The following SV2C variants were observed in gnomAD, a reference collection of about 807,000 sequenced individuals.
SV2C encodes the protein solute carrier family 22 member B3.
Under a neutral mutation model 79.7 loss-of-function variants are expected in SV2C, and 49 were observed. The observed-to-expected ratio is 0.61, with a 90% CI of 0.49 to 0.78. The LOEUF (loss-of-function observed/expected upper bound fraction) is 0.78. Ranked by LOEUF, SV2C falls within the 30% of genes least tolerant of loss-of-function variation. The probability of loss-of-function intolerance (pLI) is 0.00; values close to 1 mark genes in which losing one functional copy is unlikely to be tolerated. For missense variants in SV2C, 833 were observed against 912.9 expected, an observed-to-expected ratio of 0.91 and a Z score of 1.13; for synonymous variants, 334 against 333.2, an observed-to-expected ratio of 1.00 and a Z score of -0.03.
At chr5:75,949,074 G>A in the SV2C span, among the ~76,000 whole-genome samples, 3 of 151,892 alleles carry the variant, frequency 2.0e-5, no homozygotes, top group Admixed American at 2.0e-4. Flanking sequence ...GTTCTCCTGA[G>A]AATCGATCCT....
At chr5:76,008,862 A>C in the SV2C span, among the ~76,000 whole-genome samples, 7 of 152,226 alleles carry the variant, frequency 4.6e-5, no homozygotes, top group Middle Eastern at 6.8e-3. Context: ...CCCGTGACCT[A>C]CCTGGCCTCA....
At chr5:76,149,521 A>G (rs558632926) in intron 2 of SV2C, among the ~76,000 whole-genome samples, 28 of 152,338 alleles carry the variant, frequency 1.8e-4, no homozygotes, top group African/African-American at 6.7e-4. Flanking sequence ...CACCCCCAGC[A>G]GTTGTGATAA....
chr5:76,295,281 T>G (rs568619208), intron 8 of SV2C, among the ~76,000 whole-genome samples: 2 of 152,162 alleles, frequency 1.3e-5, no homozygotes, highest in African/African-American at 4.8e-5. Context: ...ACAAATACTG[T>G]GTCCTCAGTG....
At chr5:76,018,528 A>G in the SV2C span, among the ~76,000 whole-genome samples, 967 of 152,344 alleles carry the variant, frequency 6.3e-3, 13 homozygotes, top group African/African-American at 0.021. Context: ...AAACAGAGAT[A>G]TGTGCAAGAT....
chr5:76,263,123 G>A (rs1746534304), intron 4 of SV2C, among the ~76,000 whole-genome samples: 2 of 152,042 alleles, frequency 1.3e-5, no homozygotes, highest in South Asian at 4.1e-4. Flanking sequence ...TCCTATATTT[G>A]GTGCAAATAT....
intron 12 of SV2C, among the ~76,000 whole-genome samples, chr5:76,342,944 G>A (rs970485303): frequency 3.4e-5 from 5 of 146,498 alleles, no homozygotes; most frequent in African/African-American, 1.3e-4. Flanking sequence ...GGCTGGTCTC[G>A]AACTCCTGAC....
the SV2C span, among the ~76,000 whole-genome samples, chr5:75,882,442 G>C: frequency 6.6e-6 from 1 of 151,146 alleles, no homozygotes; most frequent in Non-Finnish European, 1.5e-5. Flanking sequence ...GCATCGCCAA[G>C]TCAATCCTAA....
chr5:76,334,115 G>C (rs1285090137), downstream of SV2C, among the ~76,000 whole-genome samples: 1 of 152,178 alleles, frequency 6.6e-6, no homozygotes, highest in Non-Finnish European at 1.5e-5. Flanking sequence ...ATGTGTTGTT[G>C]ATCTTACGTG....
At chr5:76,167,485 T>C (rs551586375) in intron 2 of SV2C, among the ~76,000 whole-genome samples, 34 of 152,328 alleles carry the variant, frequency 2.2e-4, no homozygotes, top group Admixed American at 6.5e-4. Flanking sequence ...TGGACAGCAT[T>C]AGCTTGTCTT....
the SV2C span, among the ~76,000 whole-genome samples, chr5:75,858,499 G>A: frequency 6.6e-6 from 1 of 152,134 alleles, no homozygotes; most frequent in Non-Finnish European, 1.5e-5. Flanking sequence ...GTTGAATTTG[G>A]TTTGCTAGTT....
intron 4 of SV2C, among the ~76,000 whole-genome samples, chr5:76,224,123 A>G (rs1278384860): frequency 2.0e-5 from 3 of 152,168 alleles, no homozygotes; most frequent in Non-Finnish European, 4.4e-5. Flanking sequence ...TTATGATCTT[A>G]GCAAACAAAG....
chr5:76,097,154 G>A (rs754718435), intron 1 of SV2C, among the ~76,000 whole-genome samples: 2 of 152,104 alleles, frequency 1.3e-5, no homozygotes, highest in Non-Finnish European at 2.9e-5. Context: ...GCCTTGCCTT[G>A]CATGTCGCAC....
the SV2C span, among the ~76,000 whole-genome samples, chr5:75,886,333 C>G: frequency 6.6e-6 from 1 of 152,106 alleles, no homozygotes; most frequent in Non-Finnish European, 1.5e-5. Flanking sequence ...TTTACGTTCC[C>G]CTTCCCCATC....
the SV2C span, among the ~76,000 whole-genome samples, chr5:76,042,788 A>C: frequency 6.6e-6 from 1 of 152,166 alleles, no homozygotes. Flanking sequence ...CAGTACTCAC[A>C]TCTTCCAAAG....
At chr5:75,974,697 C>T in the SV2C span, among the ~76,000 whole-genome samples, 17,912 of 152,094 alleles carry the variant, frequency 0.12, 3,055 homozygotes, top group African/African-American at 0.38. Context: ...TGGATAATAA[C>T]AGATTACCTG....
chr5:75,970,256 T>A, the SV2C span, among the ~76,000 whole-genome samples: 2 of 151,720 alleles, frequency 1.3e-5, no homozygotes, highest in East Asian at 3.9e-4. Context: ...AAATCACAAT[T>A]AAAAGAACTA....
At position 76,271,531 on chromosome 5, in the gene SV2C, A is replaced by G. The variant is rs190551178; in HGVS notation, c.914-13631A>G. Among the ~76,000 whole-genome samples the G allele has an allele frequency of 2.3e-3, 348 of 152,180 alleles. 1 individual carries two copies. Among genetic ancestry groups the G allele is most frequent in the South Asian group, 6.0e-3 (29 of 4,814 alleles). ...TAGGGTACACAATCTTTTGGAGCAT[A>G]CGTGGAGCATTTATAAAAATGGACT... is the stretch of plus-strand genomic sequence containing the variant. On this transcript the variant is annotated intron_variant, in intron 4 of 12. Transcript: ENST00000502798.
chr5:76,033,038 A>G, the SV2C span, among the ~76,000 whole-genome samples: 1 of 152,136 alleles, frequency 6.6e-6, no homozygotes, highest in Non-Finnish European at 1.5e-5. Context: ...GGCTGCATAA[A>G]TGTCTTCTTT....
the SV2C span, chr5:76,075,745 T>C: frequency 1.8e-5 from 6 of 342,278 alleles, no homozygotes; most frequent in African/African-American, 1.3e-4. Context: ...TGCAGTTGTT[T>C]TATGGATCTT....
Sources: allele counts gnomAD v4.1 joint callset (sites outside exome capture counted in the v4.1 genomes callset), GRCh38; gene constraint gnomAD v4.1.1; transcripts MANE v1.5; gene names NCBI Gene and HGNC (gene_info 2026-07-23, HGNC 2026-07-21).